The following IQGAP3 variants were observed in gnomAD, a reference collection of about 807,000 sequenced individuals.
IQGAP3 encodes IQ motif containing GTPase activating protein 3.
A neutral mutation model predicts 208.2 loss-of-function variants in IQGAP3; 165 were observed. The ratio of observed to expected loss-of-function variants is 0.79; its 90% confidence interval spans 0.70 to 0.90. The LOEUF (loss-of-function observed/expected upper bound fraction) is 0.90, where lower values mean the gene tolerates loss of function less well. Ranked by LOEUF, IQGAP3 falls within the 40% of genes least tolerant of loss-of-function variation. The pLI is 0.00. For missense variants in IQGAP3, 1,811 were observed against 2,043.1 expected (o/e 0.89, Z 2.19); for synonymous variants, 703 against 803.6 (o/e 0.87, Z 2.12).
At chr1:156,566,299 A>C in intron 3 of IQGAP3, 91 bp downstream of exon 3, 1 of 1,389,720 alleles carries the variant, frequency 7.2e-7, no homozygotes, top group Non-Finnish European at 1.0e-6. Flanking sequence ...GATTTGGACA[A>C]TAAGTTATAT....
chr1:156,547,478 T>C (rs927970937), intron 19 of IQGAP3, among the ~76,000 whole-genome samples: 4 of 151,300 alleles, frequency 2.6e-5, no homozygotes, highest in African/African-American at 9.7e-5. Flanking sequence ...CATGCTGGAG[T>C]GCAGTGGTGT....
rs908710901 is a variant in IQGAP3 at position 156,569,360 on chromosome 1, C to T, written c.125+16G>A. The T allele has an allele frequency of 5.1e-6, 8 of 1,569,314 alleles. No homozygotes were observed. The Admixed American group carries it at 6.7e-5, about 13-fold the overall frequency. On this transcript the variant is annotated intron_variant, in intron 2 of 37. Coordinates refer to ENST00000361170, the MANE Select transcript of IQGAP3 (RefSeq NM_178229.5). ...AGGGAGAGCAGAAAGAGTCCATCTT[C>T]CTGGACTCCGCTCACCGCTTGGCCT...
chr1:156,536,329 T>C (rs2102371619), intron 27 of IQGAP3, among the ~76,000 whole-genome samples: 1 of 119,224 alleles, frequency 8.4e-6, no homozygotes, highest in South Asian at 3.2e-4. Flanking sequence ...ACAACATAGA[T>C]GAACGTAGAG....
intron 5 of IQGAP3, among the ~76,000 whole-genome samples, 159 bp from the exon 6 acceptor site, chr1:156,563,983 T>C (rs1198284619): frequency 6.6e-6 from 1 of 151,946 alleles, no homozygotes; most frequent in Non-Finnish European, 1.5e-5. Flanking sequence ...AATATGACCA[T>C]AAATCAGCCC....
chr1:156,556,195 G>A (rs1255544653), intron 12 of IQGAP3, among the ~76,000 whole-genome samples: 1 of 152,236 alleles, frequency 6.6e-6, no homozygotes, highest in Non-Finnish European at 1.5e-5. Flanking sequence ...ACAGTGAAGT[G>A]CTTCAAAGCA....
intron 26 of IQGAP3, among the ~76,000 whole-genome samples, chr1:156,538,575 G>C (rs547372376): frequency 6.6e-6 from 1 of 152,346 alleles, no homozygotes; most frequent in Non-Finnish European, 1.5e-5. Flanking sequence ...CTCATTTTAT[G>C]TTAAGCCCAC....
intron 13 of IQGAP3, 90 bp from the exon 14 acceptor site, chr1:156,552,185 G>C: frequency 6.9e-7 from 1 of 1,454,172 alleles, no homozygotes; most frequent in Non-Finnish European, 9.4e-7. Context: ...TTCTTCACTT[G>C]ACCTCCAGGA....
intron 11 of IQGAP3, among the ~76,000 whole-genome samples, chr1:156,560,406 G>C (rs1038137457): frequency 6.6e-6 from 1 of 152,150 alleles, no homozygotes; most frequent in Non-Finnish European, 1.5e-5. Flanking sequence ...AGCTACTCGG[G>C]AGGCTGAGGC....
chr1:156,536,513 T>C (rs1674693825), intron 27 of IQGAP3, among the ~76,000 whole-genome samples: 1 of 152,136 alleles, frequency 6.6e-6, no homozygotes, highest in Admixed American at 6.5e-5. Context: ...GGTTGGTCAA[T>C]GGGTACAAAG....
chr1:156,565,922 A>C, intron 4 of IQGAP3, 105 bp downstream of exon 4: 1 of 835,688 alleles, frequency 1.2e-6, no homozygotes, highest in East Asian at 2.5e-5. Context: ...AGTTTAGAAG[A>C]CACATGGAAA....
At chr1:156,552,984 G>T (rs1675626620) in intron 13 of IQGAP3, among the ~76,000 whole-genome samples, 1 of 152,202 alleles carries the variant, frequency 6.6e-6, no homozygotes, top group Non-Finnish European at 1.5e-5. Context: ...TGAGTTGGGA[G>T]GATCACTTGA....
chr1:156,532,997 G>C lies in IQGAP3; in HGVS notation c.4086C>G (p.Thr1362=). Residue 1362 remains threonine (T), a synonymous_variant, in exon 32 of 38, where the codon ACC becomes ACG. Coordinates refer to ENST00000361170, the MANE Select transcript of IQGAP3 (RefSeq NM_178229.5). ...TCACCCACCTCAGAAGCAGGCTACGGGTGTTGGAGTCATCAGCATCTGCCT... is the reference window on the plus strand; with the variant it reads ...TCACCCACCTCAGAAGCAGGCTACGCGTGTTGGAGTCATCAGCATCTGCCT... ...GLEADADDSN[T]RSLLLSTKQL... The C allele has an allele frequency of 6.2e-7, 1 of 1,614,038 alleles. No individual in the cohort carries two copies. Among genetic ancestry groups the C allele is most frequent in the Non-Finnish European group, 8.5e-7 (1 of 1,179,956 alleles).
At chr1:156,532,628 C>CTTTGAGGCCAGGAG (rs1224615584) in intron 32 of IQGAP3, among the ~76,000 whole-genome samples, 1 of 152,048 alleles carries the variant, frequency 6.6e-6, no homozygotes, top group African/African-American at 2.4e-5. Context: ...AGGTGGATGG[C>CTTTGAGGCCAGGAG]TTTGAGGCCA....
intron 13 of IQGAP3, 121 bp from the exon 14 acceptor site, chr1:156,552,216 C>G (rs1675589049): frequency 8.2e-7 from 1 of 1,220,714 alleles, no homozygotes; most frequent in Non-Finnish European, 1.1e-6. Flanking sequence ...TTTTAGTTCT[C>G]TTCTTGCCTC....
intron 8 of IQGAP3, 126 bp from the exon 9 acceptor site, chr1:156,562,791 C>A: frequency 1.1e-6 from 1 of 873,086 alleles, no homozygotes; most frequent in South Asian, 1.4e-5. Flanking sequence ...TCAGTCTGCT[C>A]AGAATTCAGG....
chr1:156,563,158 C>A lies in IQGAP3; in HGVS notation c.774G>T (p.Glu258Asp). Residue 258 changes from glutamate (E) to aspartate (D), a missense_variant, in exon 8 of 38, where the codon GAG becomes GAT. Physicochemically the swap from Glu to Asp is conservative, Grantham distance 45. Transcript: ENST00000361170. The part of the protein sequence containing the change: ...YQEMLAQAKM[E>D]KAANARNHDD... ...CATGGTTCCTGGCATTGGCTGCCTT[C>A]TCCATCTTGGCCTGGGCCAGCATCT... is the stretch of plus-strand genomic sequence containing the variant. 1 of 1,604,714 alleles carries A rather than the reference C, an allele frequency of 6.2e-7. No homozygotes were observed. Among genetic ancestry groups the A allele is most frequent in the South Asian group, 1.1e-5 (1 of 90,506 alleles).
At chr1:156,530,406 G>A in intron 33 of IQGAP3, 89 bp from the exon 34 acceptor site, 2 of 1,150,924 alleles carry the variant, frequency 1.7e-6, no homozygotes, top group Non-Finnish European at 1.2e-6. Context: ...CAGCAACAAA[G>A]GGAGGCCTGA....
At chr1:156,549,864 G>A (rs1261487589) in intron 16 of IQGAP3, among the ~76,000 whole-genome samples, 1 of 152,114 alleles carries the variant, frequency 6.6e-6, no homozygotes, top group Non-Finnish European at 1.5e-5. Context: ...TCAAACTCCT[G>A]CCAATTCCTC....
Position 156,544,529 on chromosome 1 carries a change from G to A in IQGAP3, c.2305-57C>T, listed in dbSNP as rs1443528557. 4 of 1,459,294 alleles carry A rather than the reference G, an allele frequency of 2.7e-6. No individual in the cohort carries two copies. The African/African-American group carries it at 4.2e-5, about 15-fold the overall frequency. 90.4% of individuals were successfully genotyped at this position (1,459,294 alleles called of 1,614,324 possible). A position where few individuals can be genotyped will look rare whatever the true frequency, so the allele number is the denominator to read the frequency against. On this transcript the variant is annotated intron_variant, in intron 19 of 37. Coordinates refer to ENST00000361170, the MANE Select transcript of IQGAP3 (RefSeq NM_178229.5). ...AAGCAGGTCTCCTTTGGCCAGAAAGGCTTTTAAGAAAATCTTTGTCCTGGG... is the reference window on the plus strand; with the variant it reads ...AAGCAGGTCTCCTTTGGCCAGAAAGACTTTTAAGAAAATCTTTGTCCTGGG...
Sources: allele counts gnomAD v4.1 joint callset (sites outside exome capture counted in the v4.1 genomes callset), GRCh38; gene constraint gnomAD v4.1.1; transcripts MANE v1.5; gene names NCBI Gene and HGNC (gene_info 2026-07-23, HGNC 2026-07-21).